The following GPR158 variants were observed in gnomAD, a reference collection of about 807,000 sequenced individuals.
GPR158 encodes the protein metabotropic glycine receptor.
Under a neutral mutation model 78.2 loss-of-function variants are expected in GPR158, and 30 were observed. The observed-to-expected ratio is 0.38, with a 90% confidence interval of 0.29 to 0.52. GPR158 has a LOEUF of 0.52. Among genes scored for constraint, GPR158 ranks in the 20% least tolerant of loss-of-function variants. The pLI, the probability that GPR158 is intolerant of heterozygous loss-of-function variation, is 0.83. For missense variants in GPR158, 1,463 were observed against 1,523.5 expected, an observed-to-expected ratio of 0.96 and a Z score of 0.66; for synonymous variants, 581 against 591.1, an observed-to-expected ratio of 0.98 and a Z score of 0.25.
At chr10:25,274,149 T>G (rs1854152981) in intron 2 of GPR158, among the ~76,000 whole-genome samples, 1 of 152,214 alleles carries the variant, frequency 6.6e-6, no homozygotes, top group African/African-American at 2.4e-5. Flanking sequence ...TTTATTAAAT[T>G]TATTTACACA....
chr10:25,374,179 T>TATATA (rs1337707298), intron 2 of GPR158, among the ~76,000 whole-genome samples: 17 of 151,812 alleles, frequency 1.1e-4, no homozygotes, highest in African/African-American at 3.6e-4. Context: ...TTTCTTAGAT[T>TATATA]TATTTGCTTT....
At chr10:25,477,797 T>C (rs1835609544) in intron 5 of GPR158, among the ~76,000 whole-genome samples, 1 of 152,200 alleles carries the variant, frequency 6.6e-6, no homozygotes, top group African/African-American at 2.4e-5. Context: ...AATATTAGAC[T>C]TTTAATCCCC....
chr10:25,237,975 T>A (rs1853548245), intron 2 of GPR158, among the ~76,000 whole-genome samples: 1 of 151,980 alleles, frequency 6.6e-6, no homozygotes, highest in Non-Finnish European at 1.5e-5. Flanking sequence ...GTCCTTCACT[T>A]ACTTCACTGT....
intron 2 of GPR158, among the ~76,000 whole-genome samples, chr10:25,322,694 C>A (rs893135659): frequency 6.6e-6 from 1 of 152,170 alleles, no homozygotes; most frequent in East Asian, 1.9e-4. Context: ...ACTTGAAAGT[C>A]AAAATCACTC....
chr10:25,365,738 T>C (rs1366082534), intron 2 of GPR158, among the ~76,000 whole-genome samples: 1 of 151,646 alleles, frequency 6.6e-6, no homozygotes, highest in Non-Finnish European at 1.5e-5. Flanking sequence ...TTAGTGTAAA[T>C]TTTATGTTTT....
intron 2 of GPR158, among the ~76,000 whole-genome samples, chr10:25,367,041 A>C (rs997264393): frequency 1.3e-5 from 2 of 151,628 alleles, no homozygotes; most frequent in Non-Finnish European, 3.0e-5. Context: ...AAAAGTTTTT[A>C]ATTTTAATGT....
At position 25,295,662 on chromosome 10, in the gene GPR158, C is replaced by T. The variant is rs188619974; in HGVS notation, c.1008+74505C>T. 7.0e-3 allele frequency among the ~76,000 whole-genome samples: 1,063 copies of T among 152,276 alleles called. 7 individuals are homozygous for T. Among genetic ancestry groups the T allele is most frequent in the Middle Eastern group, 0.017 (5 of 294 alleles). ...TCTTCTGACCTCGTGATCCACCCGC[C>T]TCGGCCTCCCAAAGTGCTGGGATTA... On this transcript the variant is annotated intron_variant, in intron 2 of 10. Transcript: ENST00000376351.
intron 1 of GPR158, among the ~76,000 whole-genome samples, chr10:25,177,452 G>C (rs753159575): frequency 3.7e-4 from 57 of 152,322 alleles, no homozygotes; most frequent in Admixed American, 9.8e-4. Context: ...GGGCAGGACT[G>C]AGAAACCTTT....
chr10:25,384,452 C>T (rs1011878026), intron 2 of GPR158, among the ~76,000 whole-genome samples: 2 of 152,014 alleles, frequency 1.3e-5, no homozygotes, highest in Non-Finnish European at 2.9e-5. Context: ...ATTCTGTTCA[C>T]AGTGTTCAGA....
intron 2 of GPR158, among the ~76,000 whole-genome samples, chr10:25,362,311 T>G (rs1855652144): frequency 6.6e-6 from 1 of 151,974 alleles, no homozygotes; most frequent in African/African-American, 2.4e-5. Context: ...TCCATTGGCT[T>G]ACATGTCTGT....
chr10:25,294,486 A>C (rs967095621), intron 2 of GPR158, among the ~76,000 whole-genome samples: 6 of 152,180 alleles, frequency 3.9e-5, no homozygotes, highest in African/African-American at 1.4e-4. Context: ...TGACTCACTG[A>C]GCTGGCTTTG....
At chr10:25,564,287 G>A (rs2130724373) in intron 6 of GPR158, among the ~76,000 whole-genome samples, 1 of 152,204 alleles carries the variant, frequency 6.6e-6, no homozygotes, top group Non-Finnish European at 1.5e-5. Context: ...GAGAGCTTTG[G>A]GCCCTTCTCA....
At chr10:25,241,178 TTTCTTTCTTTCC>T (rs1853607428) in intron 2 of GPR158, among the ~76,000 whole-genome samples, 2 of 99,630 alleles carry the variant, frequency 2.0e-5, no homozygotes, top group South Asian at 6.6e-4. Flanking sequence ...TCTTTCTTTC[TTTCTTTCTTTCC>T]TTTCTTTCTT....
chr10:25,481,004 T>C (rs1251563340), intron 5 of GPR158, among the ~76,000 whole-genome samples: 3 of 152,000 alleles, frequency 2.0e-5, no homozygotes, highest in Non-Finnish European at 4.4e-5. Context: ...GGGAGAAAAA[T>C]TGGGCTTATG....
chr10:25,229,256 C>T, intron 2 of GPR158, among the ~76,000 whole-genome samples: 1 of 152,088 alleles, frequency 6.6e-6, no homozygotes, highest in Non-Finnish European at 1.5e-5. Flanking sequence ...GTGGCAGATT[C>T]ATCGCTATAT....
intron 5 of GPR158, among the ~76,000 whole-genome samples, chr10:25,547,137 G>T (rs888736714): frequency 1.3e-5 from 2 of 152,086 alleles, no homozygotes; most frequent in African/African-American, 4.8e-5. Context: ...AATGTTTGGT[G>T]GGGAAGATGA....
chr10:25,241,288 T>C (rs1588752806), intron 2 of GPR158, among the ~76,000 whole-genome samples: 2 of 109,414 alleles, frequency 1.8e-5, no homozygotes, highest in African/African-American at 3.8e-5. Context: ...TTCTTTCTTT[T>C]CTTTTCTTTT....
At chr10:25,448,083 C>CTTTT (rs35421884) in intron 4 of GPR158, among the ~76,000 whole-genome samples, 116 of 118,130 alleles carry the variant, frequency 9.8e-4, no homozygotes, top group African/African-American at 3.1e-3. Flanking sequence ...TGTCTGACTT[C>CTTTT]TTTTTTTTTT....
chr10:25,308,424 T>G (rs1854714878), intron 2 of GPR158, among the ~76,000 whole-genome samples: 2 of 152,192 alleles, frequency 1.3e-5, no homozygotes, highest in Admixed American at 1.3e-4. Flanking sequence ...TGTGTTAGTT[T>G]GCTAAGGTGA....
Sources: gnomAD v4.1 joint callset for allele counts (sites outside exome capture counted in the v4.1 genomes callset) on GRCh38, gnomAD v4.1.1 for gene constraint, MANE v1.5 for transcripts, NCBI Gene and HGNC (gene_info 2026-07-23, HGNC 2026-07-21) for gene names.